Variants in GRID1 observed in about 807,000 individuals in gnomAD.
The protein encoded by GRID1 is glutamate ionotropic receptor delta type subunit 1.
In GRID1, 28 loss-of-function variants were observed where a neutral mutation model predicts 98.0. The observed-to-expected ratio is 0.29, with a 90% CI of 0.21 to 0.39. The LOEUF is 0.39. Among genes scored for constraint, GRID1 ranks in the 10% least tolerant of loss-of-function variants. The pLI, the probability that GRID1 is intolerant of heterozygous loss-of-function variation, is 1.00. For synonymous variants in GRID1, 553 were observed against 538.5 expected, an observed-to-expected ratio of 1.03 and a Z score of -0.37; for missense variants, 1,111 against 1,340.5, an observed-to-expected ratio of 0.83 and a Z score of 2.67.
chr10:85,698,672 G>C (rs919782743), intron 12 of GRID1, among the ~76,000 whole-genome samples: 6 of 152,160 alleles, frequency 3.9e-5, no homozygotes, highest in Admixed American at 2.0e-4. Context: ...AATTCTTTGG[G>C]CTAAATACCA....
At chr10:85,861,311 C>G (rs1452533698) in intron 6 of GRID1, among the ~76,000 whole-genome samples, 1 of 152,198 alleles carries the variant, frequency 6.6e-6, no homozygotes, top group African/African-American at 2.4e-5. Flanking sequence ...CCAGTCCCAC[C>G]TGAAATCTGC....
At chr10:85,877,229 C>A (rs561275128) in intron 5 of GRID1, among the ~76,000 whole-genome samples, 1 of 152,180 alleles carries the variant, frequency 6.6e-6, no homozygotes, top group African/African-American at 2.4e-5. Context: ...CTTAAATGTC[C>A]CTGTTTGACA....
intron 2 of GRID1, among the ~76,000 whole-genome samples, chr10:86,223,490 G>A (rs1472426942): frequency 7.9e-5 from 12 of 152,378 alleles, no homozygotes; most frequent in African/African-American, 2.6e-4. Context: ...GCTGCTCTGT[G>A]CTGAGGAGGC....
At chr10:85,894,679 A>G (rs1358166827) in intron 5 of GRID1, among the ~76,000 whole-genome samples, 1 of 152,148 alleles carries the variant, frequency 6.6e-6, no homozygotes, top group Non-Finnish European at 1.5e-5. Flanking sequence ...CATTGGAATC[A>G]GACTACTTTT....
At chr10:86,330,126 C>T (rs891747899) in intron 2 of GRID1, among the ~76,000 whole-genome samples, 6 of 152,132 alleles carry the variant, frequency 3.9e-5, no homozygotes, top group Non-Finnish European at 8.8e-5. Flanking sequence ...TCCCCCAGGG[C>T]AGGAGCGCAT....
intron 2 of GRID1, among the ~76,000 whole-genome samples, chr10:86,294,971 A>G (rs2132077644): frequency 6.6e-6 from 1 of 152,286 alleles, no homozygotes; most frequent in Non-Finnish European, 1.5e-5. Context: ...GGGGCGGGAC[A>G]GGTAAGGAAA....
At chr10:86,091,360 A>T (rs1236194357) in intron 4 of GRID1, among the ~76,000 whole-genome samples, 1 of 151,924 alleles carries the variant, frequency 6.6e-6, no homozygotes, top group Non-Finnish European at 1.5e-5. Context: ...TGTGACTGCC[A>T]GCTTTCTCCC....
chr10:85,876,514 G>A (rs1564615834), intron 5 of GRID1, among the ~76,000 whole-genome samples: 1 of 152,072 alleles, frequency 6.6e-6, no homozygotes, highest in Non-Finnish European at 1.5e-5. Context: ...TCTGCAAAAT[G>A]TCCTTTGCCA....
intron 13 of GRID1, among the ~76,000 whole-genome samples, chr10:85,630,372 T>C (rs1176680380): frequency 1.3e-5 from 2 of 152,190 alleles, no homozygotes; most frequent in Non-Finnish European, 2.9e-5. Flanking sequence ...AAGTGCCTGG[T>C]GCATTGAAGA....
At chr10:85,917,059 G>T (rs1841630776) in intron 4 of GRID1, among the ~76,000 whole-genome samples, 1 of 152,142 alleles carries the variant, frequency 6.6e-6, no homozygotes, top group African/African-American at 2.4e-5. Context: ...TAATTATTTT[G>T]TTTCCTGTAT....
intron 2 of GRID1, among the ~76,000 whole-genome samples, chr10:86,236,167 T>A (rs111802740): frequency 8.2e-4 from 125 of 152,346 alleles, no homozygotes; most frequent in Middle Eastern, 3.4e-3. Context: ...TTTCTGCATG[T>A]TTATTTGAAA....
intron 2 of GRID1, among the ~76,000 whole-genome samples, chr10:86,278,613 C>A (rs1025246017): frequency 1.3e-5 from 2 of 152,024 alleles, no homozygotes; most frequent in African/African-American, 4.8e-5. Flanking sequence ...ACAGATACTA[C>A]AGGTATTAAA....
At chr10:86,318,074 G>T (rs1266566549) in intron 2 of GRID1, among the ~76,000 whole-genome samples, 2 of 152,092 alleles carry the variant, frequency 1.3e-5, no homozygotes, top group African/African-American at 4.8e-5. Context: ...TGAAGGGCTG[G>T]GCTGGGCTCC....
intron 8 of GRID1, among the ~76,000 whole-genome samples, chr10:85,800,167 A>T (rs985349816): frequency 1.3e-5 from 2 of 152,110 alleles, no homozygotes; most frequent in Admixed American, 6.5e-5. Flanking sequence ...TTACAAAAAA[A>T]AAAACTCTAA....
intron 4 of GRID1, among the ~76,000 whole-genome samples, chr10:86,028,367 T>G (rs1589342549): frequency 6.6e-6 from 1 of 152,236 alleles, no homozygotes; most frequent in East Asian, 1.9e-4. Flanking sequence ...GGAATTAAGG[T>G]CCCAGGCCAT....
chr10:85,714,570 C>G (rs1026486928), intron 12 of GRID1, among the ~76,000 whole-genome samples: 2 of 151,802 alleles, frequency 1.3e-5, no homozygotes, highest in African/African-American at 4.8e-5. Context: ...AATAAACATA[C>G]AAAAATCAGG....
chr10:86,029,462 C>CA (rs1843156495), intron 4 of GRID1, among the ~76,000 whole-genome samples: 1 of 152,122 alleles, frequency 6.6e-6, no homozygotes, highest in South Asian at 2.1e-4. Context: ...AAAGCCAATC[C>CA]AAAAGGCCTA....
At chr10:86,023,021 T>C (rs1023907904) in intron 4 of GRID1, among the ~76,000 whole-genome samples, 3 of 151,932 alleles carry the variant, frequency 2.0e-5, no homozygotes, top group Non-Finnish European at 4.4e-5. Flanking sequence ...CCACAGGATA[T>C]TGTAATCACT....
intron 12 of GRID1, among the ~76,000 whole-genome samples, chr10:85,670,852 A>G (rs556782673): frequency 6.6e-6 from 1 of 152,102 alleles, no homozygotes; most frequent in South Asian, 2.1e-4. Flanking sequence ...TGCTTTGCCT[A>G]TGTGCATCCA....
Sources: gnomAD v4.1 joint callset for allele counts (sites outside exome capture counted in the v4.1 genomes callset) on GRCh38, gnomAD v4.1.1 for gene constraint, MANE v1.5 for transcripts, NCBI Gene and HGNC (gene_info 2026-07-23, HGNC 2026-07-21) for gene names.